The following TPRX1 variants were observed in gnomAD, a reference collection of about 807,000 sequenced individuals.
TPRX1 encodes tetrapeptide repeat homeobox 1.
A neutral mutation model predicts 8.1 loss-of-function variants in TPRX1; 2 were observed. The observed-to-expected ratio is 0.25, with a 90% CI of 0.10 to 0.78. The LOEUF is 0.78. Ranked by LOEUF, TPRX1 falls within the 30% of genes least tolerant of loss-of-function variation. The pLI is 0.70. For synonymous variants in TPRX1, 257 were observed against 254.1 expected, an observed-to-expected ratio of 1.01 and a Z score of -0.11; for missense variants, 517 against 586.9, an observed-to-expected ratio of 0.88 and a Z score of 1.23.
intron 2 of TPRX1, among the ~76,000 whole-genome samples, chr19:47,815,176 A>G (rs1269141952): frequency 2.8e-5 from 3 of 106,956 alleles, no homozygotes; most frequent in Admixed American, 1.0e-4. Context: ...TTTTTTTTTG[A>G]GACAGTCTTG....
At chr19:47,818,555 A>T (rs1568618641) in intron 1 of TPRX1, 1 of 456,108 alleles carries the variant, frequency 2.2e-6, no homozygotes, top group Middle Eastern at 3.3e-4. Context: ...AGGGCAGACA[A>T]GAAACAAGAT....
rs771110668 is a variant in TPRX1, at chr19:47,818,424, A to G, written c.151+44T>C. The G allele has an allele frequency of 3.8e-4, 168 of 444,444 alleles. 2 individuals are homozygous for G. Among genetic ancestry groups the G allele is most frequent in the Non-Finnish European group, 6.6e-4 (146 of 221,794 alleles). The allele number at this position is 444,444 out of a possible 1,614,324, so 27.5% of individuals were successfully genotyped here. A position where few individuals can be genotyped will look rare whatever the true frequency, so the allele number is the denominator to read the frequency against. On this transcript the variant is annotated intron_variant, in intron 2 of 3. Transcript: ENST00000535759. ...CATCCATCCATCCATCCCTCCGTCC[A>G]TCCATCCATCCATTTCTTTCACATT...
intron 2 of TPRX1, among the ~76,000 whole-genome samples, chr19:47,805,443 C>T (rs578217893): frequency 6.6e-6 from 1 of 152,208 alleles, no homozygotes; most frequent in African/African-American, 2.4e-5. Context: ...CTACAGAGAT[C>T]GGATCCCTCA....
chr19:47,818,589 T>G, intron 1 of TPRX1: 1 of 455,906 alleles, frequency 2.2e-6, no homozygotes, highest in South Asian at 1.5e-5. Flanking sequence ...TTGCAAAAGA[T>G]TAAATAGGAT....
exon 4 of TPRX1, chr19:47,802,285 T>C (rs762304895): frequency 2.3e-5 from 36 of 1,557,622 alleles, no homozygotes; most frequent in Admixed American, 1.4e-4. Flanking sequence ...GGCCTGAGAT[T>C]GGGCCTGGGA....
At chr19:47,802,457 C>A (rs1967683609) in exon 4 of TPRX1, 1 of 1,513,844 alleles carries the variant, frequency 6.6e-7, no homozygotes, top group African/African-American at 1.5e-5. Context: ...TGGGATCGGG[C>A]CTGGGTTTGG....
At chr19:47,801,428 G>A (rs180916862) in exon 4 of TPRX1, 63 of 212,868 alleles carry the variant, frequency 3.0e-4, no homozygotes, top group African/African-American at 1.2e-3. Flanking sequence ...TCATTGGATC[G>A]ACAAACATTA....
At chr19:47,803,947 C>T (rs554467014) in intron 2 of TPRX1, among the ~76,000 whole-genome samples, 90 of 152,130 alleles carry the variant, frequency 5.9e-4, no homozygotes, top group Admixed American at 1.0e-3. Flanking sequence ...TCAACCCTCC[C>T]CAGCTGCCCC....
chr19:47,815,164 T>TATGCAAATATATATATATATATATATA (rs1228376903), intron 2 of TPRX1, among the ~76,000 whole-genome samples: 18 of 49,892 alleles, frequency 3.6e-4, no homozygotes, highest in Middle Eastern at 0.019. Context: ...ATATATATAT[T>TATGCAAATATATATATATATATATATA]TTTTTTTTTT....
rs908349363 is a variant in TPRX1, at chr19:47,802,945, C to G, written c.357G>C (p.Arg119=). 6.4e-6 allele frequency: 10 copies of G among 1,553,724 alleles called. No individual in the cohort carries two copies. In the African/African-American group the frequency reaches 9.4e-5, roughly 15 times the overall value. Residue 119 remains arginine, a synonymous_variant, in exon 4 of 4, where the codon CGG becomes CGC. Coordinates refer to ENST00000535759, the Ensembl canonical transcript of TPRX1. ...GGGGCTGCTGCTGGAGCCGCCGCTC[C>G]CGAGCTAGTTTGGCGCGGCGATTCT...
intron 2 of TPRX1, among the ~76,000 whole-genome samples, chr19:47,811,255 C>T (rs571353122): frequency 1.8e-4 from 27 of 152,052 alleles, no homozygotes; most frequent in Middle Eastern, 3.4e-3. Flanking sequence ...CAGCCCTCCT[C>T]AGCCTCCCAC....
chr19:47,802,720 G>T (rs746255485), exon 4 of TPRX1: 3 of 1,593,952 alleles, frequency 1.9e-6, no homozygotes, highest in Admixed American at 1.8e-5. Context: ...CAGGGATCGG[G>T]CCAGGGCCTG....
intron 2 of TPRX1, among the ~76,000 whole-genome samples, chr19:47,809,127 G>A (rs372330950): frequency 6.6e-6 from 1 of 152,088 alleles, no homozygotes; most frequent in African/African-American, 2.4e-5. Context: ...AAAGCTCAAA[G>A]GTGCTGAGTA....
intron 2 of TPRX1, among the ~76,000 whole-genome samples, chr19:47,812,764 G>A (rs950471355): frequency 1.3e-5 from 2 of 151,566 alleles, no homozygotes; most frequent in Non-Finnish European, 2.9e-5. Context: ...TTCATCCTGG[G>A]CCACAGAGTG....
rs1456064355 is a variant in TPRX1, at chr19:47,804,499, C to T, written c.152-826G>A. Among the ~76,000 whole-genome samples, 2 of 152,222 alleles carry T rather than the reference C, an allele frequency of 1.3e-5. No homozygotes were observed. The highest frequency in any genetic ancestry group is 2.4e-5 in the African/African-American group (1 of 41,460). Reference sequence around the variant, plus strand: ...CAGGATCAGCCCAGACCCCTCACACCTCTGTCCCCGCTCACCTTGGAGATG... The same window carrying T: ...CAGGATCAGCCCAGACCCCTCACACTTCTGTCCCCGCTCACCTTGGAGATG... On this transcript the variant is annotated intron_variant, in intron 2 of 3. Transcript: ENST00000535759.
chr19:47,801,756 C>T (rs776008311), exon 4 of TPRX1: 1 of 1,594,156 alleles, frequency 6.3e-7, no homozygotes, highest in Non-Finnish European at 8.5e-7. Context: ...ATCTGAAGAA[C>T]TTTGCAGGCA....
At chr19:47,812,742 G>A (rs1453157654) in intron 2 of TPRX1, among the ~76,000 whole-genome samples, 1 of 151,756 alleles carries the variant, frequency 6.6e-6, no homozygotes, top group Non-Finnish European at 1.5e-5. Context: ...GGTTAAGTGA[G>A]AAACACTGCA....
exon 4 of TPRX1, chr19:47,802,065 AGCCTGAGCCTGG>A (rs776975970): frequency 2.1e-4 from 335 of 1,584,352 alleles, no homozygotes; most frequent in African/African-American, 5.6e-4. Context: ...GCTGGGACTG[AGCCTGAGCCTGG>A]GCCTGAGCCT....
rs746479278 is a variant in TPRX1 at position 47,802,439 on chromosome 19, ATTGGGCCTGGGATCGGGCCTGGGT to A, written c.839_862del (p.Asn280_Pro287del). On this transcript the variant is annotated inframe_deletion, in exon 4 of 4. Transcript: ENST00000535759. Reference sequence around the variant, plus strand: ...GATTGGGCCTGGGATCGGGCCTGAGATTGGGCCTGGGATCGGGCCTGGGTTTGGGCCTGGGATCGGGCCTGGGTT... The same window carrying A: ...GATTGGGCCTGGGATCGGGCCTGAGATTGGGCCTGGGATCGGGCCTGGGTT... 1.3e-3 allele frequency: 1,863 copies of A among 1,393,982 alleles called. 2 individuals carry two copies. The highest frequency in any genetic ancestry group is 1.6e-3 in the Non-Finnish European group (1,676 of 1,036,248). 86.4% of individuals were successfully genotyped at this position (1,393,982 alleles called of 1,614,324 possible).
Sources: allele counts gnomAD v4.1 joint callset (sites outside exome capture counted in the v4.1 genomes callset), GRCh38; gene constraint gnomAD v4.1.1; transcripts MANE v1.5; gene names NCBI Gene and HGNC (gene_info 2026-07-23, HGNC 2026-07-21).